PLCH1: variants seen among roughly 807,000 people sequenced by gnomAD.
The protein encoded by PLCH1 is 1-phosphatidylinositol 4,5-bisphosphate phosphodiesterase eta-1.
A neutral mutation model predicts 126.7 loss-of-function variants in PLCH1; 60 were observed. The ratio of observed to expected loss-of-function variants is 0.47; its 90% CI spans 0.38 to 0.59. The LOEUF (loss-of-function observed/expected upper bound fraction) is 0.59. PLCH1 is among the 20% of genes least tolerant of loss of function. PLCH1 has a pLI of 0.00. For missense variants in PLCH1, 1,723 were observed against 2,040.0 expected (o/e 0.84, Z 2.99); for synonymous variants, 719 against 734.9 (o/e 0.98, Z 0.35).
chr3:155,483,698 A>T (rs1714546287), intron 22 of PLCH1, among the ~76,000 whole-genome samples: 2 of 152,156 alleles, frequency 1.3e-5, no homozygotes, highest in African/African-American at 4.8e-5. Context: ...TGTTAATCAT[A>T]TATTTCTTTT....
At chr3:155,678,679 G>A (rs1744282329) in intron 2 of PLCH1, among the ~76,000 whole-genome samples, 1 of 152,146 alleles carries the variant, frequency 6.6e-6, no homozygotes, top group African/African-American at 2.4e-5. Context: ...TGGGGACAAT[G>A]GTGCTTCCTC....
intron 2 of PLCH1, among the ~76,000 whole-genome samples, chr3:155,599,057 T>A (rs1733372432): frequency 7.8e-6 from 1 of 128,694 alleles, no homozygotes; most frequent in Non-Finnish European, 1.6e-5. Context: ...GGTAGCCATC[T>A]ACCTTTTTCA....
intron 10 of PLCH1, among the ~76,000 whole-genome samples, chr3:155,538,048 T>C (rs148803329): frequency 3.0e-4 from 46 of 151,936 alleles, no homozygotes; most frequent in African/African-American, 1.1e-3. Flanking sequence ...TAGCAAGTAC[T>C]CTCTAGGATC....
intron 13 of PLCH1, among the ~76,000 whole-genome samples, chr3:155,502,975 C>T (rs908426919): frequency 1.3e-5 from 2 of 152,154 alleles, no homozygotes; most frequent in Admixed American, 6.5e-5. Context: ...AGAAACCTCA[C>T]GTATAATGTA....
chr3:155,669,439 A>T (rs1345984491), intron 2 of PLCH1, among the ~76,000 whole-genome samples: 1 of 152,178 alleles, frequency 6.6e-6, no homozygotes, highest in Non-Finnish European at 1.5e-5. Flanking sequence ...TTAGCCAGAC[A>T]TGGTGGCATG....
chr3:155,486,324 T>C, intron 21 of PLCH1: 1 of 646,150 alleles, frequency 1.5e-6, no homozygotes, highest in Middle Eastern at 3.2e-4. Context: ...CTCTTAGTTT[T>C]GGGGATTTTT....
chr3:155,705,798 G>A (rs1486793083), intron 1 of PLCH1, among the ~76,000 whole-genome samples: 1 of 152,156 alleles, frequency 6.6e-6, no homozygotes, highest in Non-Finnish European at 1.5e-5. Context: ...GGAAAAAATA[G>A]TAATGAGACT....
intron 1 of PLCH1, among the ~76,000 whole-genome samples, chr3:155,738,535 G>A (rs1484183145): frequency 1.3e-5 from 2 of 152,080 alleles, no homozygotes; most frequent in Non-Finnish European, 2.9e-5. Flanking sequence ...TGTAATTCCA[G>A]CACTGCGGGA....
chr3:155,539,485 T>C (rs1388145900), intron 10 of PLCH1, among the ~76,000 whole-genome samples: 2 of 152,194 alleles, frequency 1.3e-5, no homozygotes, highest in African/African-American at 4.8e-5. Context: ...GCTGATGATA[T>C]GGTTGTATAC....
chr3:155,643,918 T>C (rs1739700947), intron 2 of PLCH1, among the ~76,000 whole-genome samples: 1 of 152,224 alleles, frequency 6.6e-6, no homozygotes, highest in Non-Finnish European at 1.5e-5. Context: ...GTCAATCCCA[T>C]CCAACCAGTG....
intron 11 of PLCH1, among the ~76,000 whole-genome samples, chr3:155,520,411 A>G (rs1196876707): frequency 2.0e-5 from 3 of 152,188 alleles, no homozygotes; most frequent in Admixed American, 6.5e-5. Flanking sequence ...AAATTGCTAC[A>G]TGTCACTGCA....
At chr3:155,599,439 A>T (rs1018085871) in intron 2 of PLCH1, among the ~76,000 whole-genome samples, 4 of 152,116 alleles carry the variant, frequency 2.6e-5, no homozygotes, top group Non-Finnish European at 5.9e-5. Context: ...TGGAAGAGTG[A>T]CTCAAAAGGG....
chr3:155,512,323 A>C (rs528839082), intron 12 of PLCH1, among the ~76,000 whole-genome samples: 1 of 152,232 alleles, frequency 6.6e-6, no homozygotes, highest in African/African-American at 2.4e-5. Flanking sequence ...TGTCCTAGGA[A>C]CTTGGCATAT....
At chr3:155,596,030 C>A (rs1212975154) in intron 3 of PLCH1, among the ~76,000 whole-genome samples, 1 of 151,954 alleles carries the variant, frequency 6.6e-6, no homozygotes, top group East Asian at 1.9e-4. Context: ...TTAGCATTTA[C>A]AGCATTCATG....
chr3:155,500,642 A>G (rs1717751188), intron 14 of PLCH1, 61 bp downstream of exon 14: 1 of 987,182 alleles, frequency 1.0e-6, no homozygotes, highest in South Asian at 1.4e-5. Context: ...AAAATGACTA[A>G]GCTGACAAGG....
At chr3:155,677,848 A>G (rs1744211610) in intron 2 of PLCH1, among the ~76,000 whole-genome samples, 1 of 152,212 alleles carries the variant, frequency 6.6e-6, no homozygotes, top group Admixed American at 6.5e-5. Flanking sequence ...TCTGAGAAAT[A>G]CCCATTCCTG....
At chr3:155,663,333 A>G (rs1742386908) in intron 2 of PLCH1, among the ~76,000 whole-genome samples, 1 of 152,232 alleles carries the variant, frequency 6.6e-6, no homozygotes, top group African/African-American at 2.4e-5. Flanking sequence ...GATTTAATCA[A>G]TTTAGACAAC....
intron 8 of PLCH1, among the ~76,000 whole-genome samples, chr3:155,558,793 C>T (rs1190823670): frequency 2.6e-5 from 4 of 151,972 alleles, no homozygotes; most frequent in Non-Finnish European, 5.9e-5. Context: ...CTAACTGAAA[C>T]CATGGAAAAT....
At chr3:155,653,681 C>T (rs954648359) in intron 2 of PLCH1, among the ~76,000 whole-genome samples, 2 of 152,066 alleles carry the variant, frequency 1.3e-5, no homozygotes, top group Non-Finnish European at 2.9e-5. Flanking sequence ...TCTCCAATAT[C>T]CTTCCCACTC....
Sources: allele counts gnomAD v4.1 joint callset (sites outside exome capture counted in the v4.1 genomes callset), GRCh38; gene constraint gnomAD v4.1.1; transcripts MANE v1.5; gene names NCBI Gene and HGNC (gene_info 2026-07-23, HGNC 2026-07-21).